The following ABCB1 variants were observed in gnomAD, a reference collection of about 807,000 sequenced individuals.
ABCB1 encodes the protein ATP binding cassette subfamily B member 1.
ABCB1 carries 69 observed loss-of-function variants against 142.0 expected under a neutral mutation model. The ratio of observed to expected loss-of-function variants is 0.49; its 90% CI spans 0.40 to 0.59. The LOEUF is 0.59. ABCB1 is among the 20% of genes least tolerant of loss of function. ABCB1 has a pLI of 0.00. For synonymous variants in ABCB1, 532 were observed against 539.2 expected, an observed-to-expected ratio of 0.99 and a Z score of 0.18; for missense variants, 1,326 against 1,554.7, an observed-to-expected ratio of 0.85 and a Z score of 2.47.
rs370840388 is a variant in ABCB1 at position 87,554,320 on chromosome 7, T to G, written c.828-388A>C. ...CTCTTTAATTAATAAAATGGAGAGATAATGTTAGAAAGTACTAAAAAAAAA... is the reference window on the plus strand; with the variant it reads ...CTCTTTAATTAATAAAATGGAGAGAGAATGTTAGAAAGTACTAAAAAAAAA... On this transcript the variant is annotated intron_variant, in intron 8 of 27. Coordinates refer to ENST00000622132, the MANE Select transcript of ABCB1 (RefSeq NM_001348946.2). 4.5e-4 allele frequency among the ~76,000 whole-genome samples: 64 copies of G among 141,482 alleles called. No homozygotes were observed. In the East Asian group the frequency reaches 5.9e-3, roughly 13 times the overall value. 92.8% of individuals were successfully genotyped at this position (141,482 alleles called of 152,430 possible). A position where few individuals can be genotyped will look rare whatever the true frequency, so the allele number is the denominator to read the frequency against.
chr7:87,565,005 CTA>C (rs1817729899), intron 7 of ABCB1, among the ~76,000 whole-genome samples: 1 of 152,172 alleles, frequency 6.6e-6, no homozygotes, highest in South Asian at 2.1e-4. Context: ...TATTTGAACT[CTA>C]TGTTACTCTG....
intron 1 of ABCB1, among the ~76,000 whole-genome samples, chr7:87,667,712 C>G (rs920793462): frequency 2.0e-5 from 3 of 152,084 alleles, no homozygotes; most frequent in Non-Finnish European, 4.4e-5. Flanking sequence ...TGAATTTTAT[C>G]AAAGGCCTTT....
chr7:87,675,653 CAAA>C (rs200136132), intron 1 of ABCB1, among the ~76,000 whole-genome samples: 52 of 65,836 alleles, frequency 7.9e-4, no homozygotes, highest in African/African-American at 1.3e-3. Flanking sequence ...TATTCACATG[CAAA>C]AAAAAAAAAA....
At chr7:87,657,988 A>G (rs1824287487) in intron 1 of ABCB1, among the ~76,000 whole-genome samples, 1 of 152,140 alleles carries the variant, frequency 6.6e-6, no homozygotes, top group Non-Finnish European at 1.5e-5. Context: ...CATAATATAA[A>G]TATGTCCAGC....
intron 4 of ABCB1, among the ~76,000 whole-genome samples, chr7:87,574,840 A>G (rs912845284): frequency 6.6e-6 from 1 of 152,132 alleles, no homozygotes. Context: ...ATTTACACCT[A>G]TCTCTTCCTC....
chr7:87,621,020 G>T (rs1820203021), intron 1 of ABCB1, among the ~76,000 whole-genome samples: 1 of 152,034 alleles, frequency 6.6e-6, no homozygotes, highest in Non-Finnish European at 1.5e-5. Context: ...AAAAAAAAAT[G>T]TGAAGAAATA....
At chr7:87,579,724 C>T (rs1362588665) in intron 4 of ABCB1, among the ~76,000 whole-genome samples, 2 of 152,014 alleles carry the variant, frequency 1.3e-5, no homozygotes, top group African/African-American at 2.4e-5. Context: ...TCTCTTCCTT[C>T]TTTCGTTCTT....
At position 87,680,226 on chromosome 7, in the gene ABCB1, G is replaced by A. The variant is rs575878229; in HGVS notation, c.-331+32935C>T. 1.4e-4 allele frequency among the ~76,000 whole-genome samples: 21 copies of A among 150,498 alleles called. No individual in the cohort carries two copies. In the East Asian group the frequency reaches 3.8e-3, roughly 27 times the overall value. ...TGACCTCATCCCTTTTTGTGGCTGCGTAGTATTCCATGGTGTGTATGTGCC... is the reference window on the plus strand; with the variant it reads ...TGACCTCATCCCTTTTTGTGGCTGCATAGTATTCCATGGTGTGTATGTGCC... On this transcript the variant is annotated intron_variant, in intron 1 of 28. Transcript: ENST00000265724.
In ABCB1 at chr7:87,700,486, C is replaced by G; in HGVS notation, c.-331+12675G>C. On this transcript the variant is annotated intron_variant, in intron 1 of 28. Coordinates refer to the ABCB1 transcript ENST00000265724. ...CTGGGACTATATCAGAGTGGCTTGC[C>G]GGAAAGTTTCACAGAATTGTATCTG... The G allele has an allele frequency of 1.9e-6, 3 of 1,613,154 alleles. No individual in the cohort carries two copies. Among genetic ancestry groups the G allele is most frequent in the Non-Finnish European group, 2.5e-6 (3 of 1,179,546 alleles).
chr7:87,661,652 T>G (rs1033238639), intron 1 of ABCB1, among the ~76,000 whole-genome samples: 1 of 152,072 alleles, frequency 6.6e-6, no homozygotes, highest in African/African-American at 2.4e-5. Context: ...CCACATTTTC[T>G]TTATTCATTT....
At chr7:87,651,460 G>A (rs957849673) in intron 1 of ABCB1, among the ~76,000 whole-genome samples, 1 of 151,962 alleles carries the variant, frequency 6.6e-6, no homozygotes, top group African/African-American at 2.4e-5. Context: ...TATACTCTCT[G>A]AATTTTAGAT....
intron 4 of ABCB1, among the ~76,000 whole-genome samples, chr7:87,581,897 T>G (rs1342616919): frequency 1.3e-5 from 2 of 152,136 alleles, no homozygotes; most frequent in Admixed American, 6.5e-5. Flanking sequence ...AAAAGAAGAA[T>G]GATCTGACTG....
At chr7:87,546,327 G>A (rs1018433340) in intron 14 of ABCB1, among the ~76,000 whole-genome samples, 3 of 152,068 alleles carry the variant, frequency 2.0e-5, no homozygotes, top group East Asian at 3.9e-4. Context: ...GGTGGCTCAC[G>A]CCTGTAATCC....
At position 87,679,382 on chromosome 7, in the gene ABCB1, C is replaced by T. The variant is rs555434332; in HGVS notation, c.-331+33779G>A. On this transcript the variant is annotated intron_variant, in intron 1 of 28. Transcript: ENST00000265724. ...TGCTGGGATTACAAGTGTGAGCCACCGTGCCCGGCCCCCAACTTTTTTTTA... is the reference window on the plus strand; with the variant it reads ...TGCTGGGATTACAAGTGTGAGCCACTGTGCCCGGCCCCCAACTTTTTTTTA... Among the ~76,000 whole-genome samples the T allele has an allele frequency of 9.4e-5, 14 of 149,540 alleles. 1 individual carries two copies. Among genetic ancestry groups the T allele is most frequent in the African/African-American group, 2.5e-4 (10 of 40,158 alleles).
intron 1 of ABCB1, among the ~76,000 whole-genome samples, chr7:87,626,185 ATG>A (rs563694562): frequency 8.5e-6 from 1 of 117,168 alleles, no homozygotes; most frequent in South Asian, 2.8e-4. Context: ...TGTCATATAT[ATG>A]TGTCATATAT....
At position 87,544,774 on chromosome 7, in the gene ABCB1, G is replaced by A. The variant is rs28381921; in HGVS notation, c.2064+49C>T. 44 of 1,602,034 alleles carry A rather than the reference G, an allele frequency of 2.7e-5. No individual in the cohort carries two copies. The African/African-American group carries it at 5.6e-4, about 20-fold the overall frequency. ...CTGTAGCCCTAGCCCACCAAACTAG[G>A]GAACCACAGTTAGTGAGATTAAAAC... On this transcript the variant is annotated intron_variant, in intron 16 of 27. Coordinates refer to ENST00000622132, the MANE Select transcript of ABCB1 (RefSeq NM_001348946.2).
chr7:87,616,646 C>T (rs576028458), intron 1 of ABCB1, among the ~76,000 whole-genome samples: 14 of 152,318 alleles, frequency 9.2e-5, no homozygotes, highest in African/African-American at 3.1e-4. Context: ...TCATTAGTTA[C>T]TCATTTATCT....
intron 15 of ABCB1, 93 bp downstream of exon 15, chr7:87,545,770 G>T: frequency 1.5e-6 from 2 of 1,362,676 alleles, no homozygotes; most frequent in South Asian, 1.3e-5. Context: ...ACTTTGTAAG[G>T]TAATCAAATC....
At chr7:87,539,223 T>C (rs1195531266) in intron 19 of ABCB1, 45 bp downstream of exon 19, 2 of 1,566,510 alleles carry the variant, frequency 1.3e-6, no homozygotes. Context: ...GGGGCACACA[T>C]GGGGAGTTCT....
Sources: gnomAD v4.1 joint callset for allele counts (sites outside exome capture counted in the v4.1 genomes callset) on GRCh38, gnomAD v4.1.1 for gene constraint, MANE v1.5 for transcripts, NCBI Gene and HGNC (gene_info 2026-07-23, HGNC 2026-07-21) for gene names.